The following DNAH11 variants were observed in gnomAD, a reference collection of about 807,000 sequenced individuals.
DNAH11 encodes dynein axonemal heavy chain 11, also known as axonemal beta dynein heavy chain 11.
DNAH11 carries 442 observed loss-of-function variants against 526.0 expected under a neutral mutation model. That is an observed-to-expected ratio of 0.84 (90% CI 0.78 to 0.91). The LOEUF is 0.91. Among genes scored for constraint, DNAH11 ranks in the 40% least tolerant of loss-of-function variants. The probability of loss-of-function intolerance (pLI) is 0.00; values close to 1 mark genes in which losing one functional copy is unlikely to be tolerated. For missense variants in DNAH11, 6,989 were observed against 5,448.7 expected (o/e 1.28, Z -8.90); for synonymous variants, 2,461 against 1,935.9 (o/e 1.27, Z -7.12).
At chr7:21,572,868 C>T (rs1374564335) in intron 8 of DNAH11, among the ~76,000 whole-genome samples, 2 of 152,136 alleles carry the variant, frequency 1.3e-5, no homozygotes, top group African/African-American at 2.4e-5. Context: ...TATGAGGAAC[C>T]TAGGATCATG....
intron 67 of DNAH11, among the ~76,000 whole-genome samples, chr7:21,853,358 A>G (rs1202331454): frequency 6.6e-6 from 1 of 152,182 alleles, no homozygotes; most frequent in African/African-American, 2.4e-5. Context: ...CATCCTTTAT[A>G]TTTGTCTTAA....
At chr7:21,870,034 C>T (rs765428518) in intron 73 of DNAH11, among the ~76,000 whole-genome samples, 14 of 152,142 alleles carry the variant, frequency 9.2e-5, no homozygotes, top group Non-Finnish European at 7.4e-5. Flanking sequence ...CGTCAGTAGG[C>T]AATTCACAGG....
chr7:21,592,058 GAA>G (rs906876628), intron 14 of DNAH11, among the ~76,000 whole-genome samples: 1 of 151,006 alleles, frequency 6.6e-6, no homozygotes, highest in African/African-American at 2.4e-5. Flanking sequence ...AGAGAAAACA[GAA>G]AAAAAACACA....
chr7:21,746,406 C>A (rs1273926492), intron 51 of DNAH11, among the ~76,000 whole-genome samples: 1 of 152,026 alleles, frequency 6.6e-6, no homozygotes, highest in Non-Finnish European at 1.5e-5. Flanking sequence ...AAGTTTGAGA[C>A]CTGTCTGGGT....
chr7:21,754,668 T>A (rs1786551125), intron 54 of DNAH11, among the ~76,000 whole-genome samples: 1 of 152,132 alleles, frequency 6.6e-6, no homozygotes. Flanking sequence ...TTGTGCTGTT[T>A]TGTTTTTAAC....
chr7:21,610,864 A>G (rs1346511745), intron 20 of DNAH11, among the ~76,000 whole-genome samples: 1 of 152,246 alleles, frequency 6.6e-6, no homozygotes, highest in Non-Finnish European at 1.5e-5. Flanking sequence ...GGACGCATAG[A>G]AAGAAGTTAG....
chr7:21,874,064 T>C (rs554477154), intron 74 of DNAH11, among the ~76,000 whole-genome samples: 1 of 152,038 alleles, frequency 6.6e-6, no homozygotes, highest in Non-Finnish European at 1.5e-5. Flanking sequence ...GTGCTGGGAT[T>C]ACAGACATGA....
intron 28 of DNAH11, among the ~76,000 whole-genome samples, chr7:21,648,637 A>T (rs772903835): frequency 4.7e-4 from 71 of 152,232 alleles, no homozygotes; most frequent in Non-Finnish European, 7.5e-4. Context: ...ACCAACACAC[A>T]GAATTGTGGC....
intron 74 of DNAH11, among the ~76,000 whole-genome samples, chr7:21,874,986 G>A (rs915008354): frequency 2.0e-5 from 3 of 151,978 alleles, no homozygotes; most frequent in African/African-American, 4.8e-5. Flanking sequence ...TTCTTTTCTC[G>A]TAACTTTTGG....
chr7:21,850,368 A>AC (rs1033563339), intron 66 of DNAH11, among the ~76,000 whole-genome samples: 1 of 149,438 alleles, frequency 6.7e-6, no homozygotes, highest in Non-Finnish European at 1.5e-5. Flanking sequence ...AAAAAAAAAA[A>AC]AGAAAAAGAA....
intron 54 of DNAH11, among the ~76,000 whole-genome samples, chr7:21,751,999 G>T (rs542889847): frequency 5.9e-5 from 9 of 152,314 alleles, no homozygotes; most frequent in African/African-American, 2.2e-4. Context: ...CAGAGCTGCA[G>T]AATCAACATC....
intron 25 of DNAH11, among the ~76,000 whole-genome samples, chr7:21,621,196 C>T (rs1583536681): frequency 6.6e-6 from 1 of 152,254 alleles, no homozygotes; most frequent in East Asian, 1.9e-4. Context: ...ACAAACACCT[C>T]TATGCAAATA....
At position 21,690,872 on chromosome 7, in the gene DNAH11, C is replaced by A; in HGVS notation, c.6032C>A (p.Ala2011Asp). The A allele has an allele frequency of 6.2e-7, 1 of 1,611,818 alleles. No individual in the cohort carries two copies. Among genetic ancestry groups the A allele is most frequent in the Non-Finnish European group, 8.5e-7 (1 of 1,178,566 alleles). Reference protein sequence around the residue: ...GRTELPENLKALFRPCAMVAP... With the variant: ...GRTELPENLKDLFRPCAMVAP... The stretch of plus-strand genomic sequence containing the variant: ...ACCGAATTACCGGAAAATCTCAAAG[C>A]TCTTTTCAGGCAAGTGTTATGCTTT... The change falls in exon 35 of 82, where the codon GCT becomes GAT. Residue 2011 changes from alanine (A) to aspartate (D), a missense_variant. Transcript: ENST00000409508.
intron 61 of DNAH11, among the ~76,000 whole-genome samples, chr7:21,799,627 C>T (rs1444127129): frequency 2.0e-5 from 3 of 152,178 alleles, no homozygotes; most frequent in African/African-American, 7.2e-5. Context: ...TGACCCACCG[C>T]ACCCGGCCAT....
At chr7:21,733,362 T>TGGGTA (rs1785465707) in intron 45 of DNAH11, among the ~76,000 whole-genome samples, 1 of 152,046 alleles carries the variant, frequency 6.6e-6, no homozygotes, top group Non-Finnish European at 1.5e-5. Context: ...CACTCCAGCC[T>TGGGTA]CAGCAACAAG....
At chr7:21,729,313 C>T (rs959672855) in intron 45 of DNAH11, among the ~76,000 whole-genome samples, 6 of 152,184 alleles carry the variant, frequency 3.9e-5, no homozygotes, top group African/African-American at 1.2e-4. Context: ...CCATCTCTAT[C>T]CCTGGCTTCT....
intron 65 of DNAH11, among the ~76,000 whole-genome samples, chr7:21,820,511 A>C (rs558447322): frequency 9.0e-4 from 137 of 152,306 alleles, no homozygotes; most frequent in South Asian, 2.5e-3. Flanking sequence ...GAGAGCCCTA[A>C]TTTCAAATAG....
intron 36 of DNAH11, 46 bp from the exon 37 acceptor site, chr7:21,702,664 C>G (rs1188090257): frequency 6.5e-7 from 1 of 1,527,614 alleles, no homozygotes; most frequent in Non-Finnish European, 9.0e-7. Context: ...TGAGAATCTT[C>G]TTCCCTCATA....
intron 30 of DNAH11, among the ~76,000 whole-genome samples, chr7:21,664,551 T>C (rs1782354578): frequency 6.6e-6 from 1 of 152,072 alleles, no homozygotes; most frequent in Admixed American, 6.6e-5. Flanking sequence ...CTCAAACTCC[T>C]GGGCTCAAGC....
Sources: allele counts gnomAD v4.1 joint callset (sites outside exome capture counted in the v4.1 genomes callset), GRCh38; gene constraint gnomAD v4.1.1; transcripts MANE v1.5; gene names NCBI Gene and HGNC (gene_info 2026-07-23, HGNC 2026-07-21).